MAS1: variants seen among roughly 807,000 people sequenced by gnomAD.
MAS1 encodes proto-oncogene Mas.
For missense variants in MAS1, 387 were observed against 409.7 expected, an observed-to-expected ratio of 0.94 and a Z score of 0.48; for synonymous variants, 163 against 164.2, an observed-to-expected ratio of 0.99 and a Z score of 0.05.
chr6:159,898,448 TC>T (rs202232709), intron 1 of MAS1, among the ~76,000 whole-genome samples: 2,884 of 151,956 alleles, frequency 0.019, 51 homozygotes, highest in Non-Finnish European at 0.032. Context: ...CCACTCACTG[TC>T]CTGTAAAGTT....
At chr6:159,894,042 T>C (rs890481718) in intron 1 of MAS1, among the ~76,000 whole-genome samples, 2 of 151,924 alleles carry the variant, frequency 1.3e-5, no homozygotes, top group Admixed American at 6.6e-5. Flanking sequence ...TGAGGCTCAG[T>C]TGGAGATACC....
At position 159,910,024 on chromosome 6, in the gene MAS1, A is replaced by T. The variant is rs936681802; in HGVS notation, c.*2091A>T. On this transcript the variant is annotated 3_prime_UTR_variant, in exon 3 of 3. Coordinates refer to ENST00000674077, the MANE Select transcript of MAS1 (RefSeq NM_002377.4). ...TCCCAAAGTGAACTGTAAGGTTAAA[A>T]CTATAACAAGAAGATTTAAGTAAAT... The T allele has an allele frequency of 9.9e-5, 15 of 152,238 alleles. No individual in the cohort carries two copies. Among genetic ancestry groups the T allele is most frequent in the Non-Finnish European group, 5.9e-5 (4 of 68,044 alleles). The allele number at this position is 152,238 out of a possible 1,614,324, so 9.4% of individuals were successfully genotyped here.
intron 2 of MAS1, among the ~76,000 whole-genome samples, chr6:159,906,062 A>G (rs927580479): frequency 6.6e-6 from 1 of 152,154 alleles, no homozygotes; most frequent in East Asian, 1.9e-4. Context: ...AGTTATTTTG[A>G]TCAACTTCTT....
rs1355041082 is a variant in MAS1 at position 159,917,424 on chromosome 6, G to C, written c.*9491G>C. Among the ~76,000 whole-genome samples the C allele has an allele frequency of 6.6e-6, 1 of 152,220 alleles. No homozygotes were observed. Among genetic ancestry groups the C allele is most frequent in the Non-Finnish European group, 1.5e-5 (1 of 68,040 alleles). ...ATTATTGGAACTTTTCAGAGATCAG[G>C]AATAAAATGTTCATGCATGAGAATT... On this transcript the variant is annotated 3_prime_UTR_variant, in exon 3 of 3. Transcript: ENST00000674077.
chr6:159,896,275 A>C (rs1374659278), intron 1 of MAS1, among the ~76,000 whole-genome samples: 1 of 152,224 alleles, frequency 6.6e-6, no homozygotes, highest in Non-Finnish European at 1.5e-5. Context: ...AGCCTGGTTG[A>C]CAGGGTGAGA....
At position 159,910,924 on chromosome 6, in the gene MAS1, C is replaced by T. The variant is rs906151364; in HGVS notation, c.*2991C>T. On this transcript the variant is annotated 3_prime_UTR_variant, in exon 3 of 3. Coordinates refer to ENST00000674077, the MANE Select transcript of MAS1 (RefSeq NM_002377.4). Reference sequence around the variant, plus strand: ...TCTGATGGGCTGTTTTCTACCTATGCCTTTTGTGGCATTTAATACCCACAG... The same window carrying T: ...TCTGATGGGCTGTTTTCTACCTATGTCTTTTGTGGCATTTAATACCCACAG... 6.6e-6 allele frequency: 1 copy of T among 152,144 alleles called. No individual in the cohort carries two copies. The highest frequency in any genetic ancestry group is 6.5e-5 in the Admixed American group (1 of 15,278). 9.4% of individuals were successfully genotyped at this position (152,144 alleles called of 1,614,324 possible).
In MAS1 at chr6:159,907,526, A is replaced by G. The variant is rs1489064460; in HGVS notation, c.571A>G (p.Ile191Val). The change falls in exon 3 of 3, where the codon ATA becomes GTA. Residue 191 changes from isoleucine to valine, a missense_variant. By Grantham distance (29) the Ile-to-Val change is conservative. Transcript: ENST00000674077. ...RNDCRAVIIF[I>V]AILSFLVFTP... ...TGACTGCCGAGCAGTCATCATCTTT[A>G]TAGCCATCCTGAGCTTCCTGGTCTT... 6.2e-7 allele frequency: 1 copy of G among 1,614,026 alleles called. No individual in the cohort carries two copies. Among genetic ancestry groups the G allele is most frequent in the Non-Finnish European group, 8.5e-7 (1 of 1,180,014 alleles).
At chr6:159,890,479 G>A (rs1432316944), upstream of MAS1, among the ~76,000 whole-genome samples, 1 of 152,116 alleles carries the variant, frequency 6.6e-6, no homozygotes, top group African/African-American at 2.4e-5. Context: ...AGCATCCTAC[G>A]GGTCTTATAT....
chr6:159,895,213 A>G (rs571435394), intron 1 of MAS1, among the ~76,000 whole-genome samples: 1 of 152,286 alleles, frequency 6.6e-6, no homozygotes, highest in South Asian at 2.1e-4. Context: ...GAGGGCTAGA[A>G]ATAGTGCCAA....
chr6:159,893,034 C>T (rs748603727), intron 1 of MAS1, among the ~76,000 whole-genome samples: 2 of 152,218 alleles, frequency 1.3e-5, no homozygotes, highest in Non-Finnish European at 2.9e-5. Flanking sequence ...GCAGAATAGG[C>T]TGTGGCCTCT....
Position 159,895,541 on chromosome 6 carries a change from C to T in MAS1, c.-243-3645C>T, listed in dbSNP as rs1782745880. The stretch of plus-strand genomic sequence containing the variant: ...CAAATTGCCATATTTACAAATGTTT[C>T]TTGCAGTTCAATAAAAGAAATGGAC... On this transcript the variant is annotated intron_variant, in intron 1 of 2. Coordinates refer to ENST00000674077, the MANE Select transcript of MAS1 (RefSeq NM_002377.4). Among the ~76,000 whole-genome samples the T allele has an allele frequency of 2.0e-5, 3 of 152,120 alleles. No homozygotes were observed. In the South Asian group the frequency reaches 6.2e-4, roughly 31 times the overall value.
At chr6:159,906,651 A>G (rs183865821) in intron 2 of MAS1, 41 of 256,600 alleles carry the variant, frequency 1.6e-4, no homozygotes, top group African/African-American at 8.3e-4. Context: ...GCACTAAGCC[A>G]CAAGCACACA....
intron 2 of MAS1, among the ~76,000 whole-genome samples, chr6:159,901,853 TA>T (rs35452379): frequency 0.26 from 36,320 of 137,672 alleles, 5,350 homozygotes; most frequent in East Asian, 0.75. Context: ...ACCCTATCTC[TA>T]AAAAAAAAAA....
chr6:159,902,976 TC>T (rs1332183741), intron 2 of MAS1, among the ~76,000 whole-genome samples: 3 of 152,006 alleles, frequency 2.0e-5, no homozygotes, highest in African/African-American at 7.3e-5. Context: ...AATGATCTTA[TC>T]CTCCACTCTC....
rs780355157 is a variant in MAS1, at chr6:159,914,444, G to A, written c.*6511G>A. Reference sequence around the variant, plus strand: ...TCTTCCTGTTCTGAGTGAGACTTGCGGTGAGCACTGGAACTTAAACATTGC... The same window carrying A: ...TCTTCCTGTTCTGAGTGAGACTTGCAGTGAGCACTGGAACTTAAACATTGC... On this transcript the variant is annotated 3_prime_UTR_variant, in exon 3 of 3. Coordinates refer to ENST00000674077, the MANE Select transcript of MAS1 (RefSeq NM_002377.4). 7.2e-5 allele frequency: 11 copies of A among 152,150 alleles called. No homozygotes were observed. Among genetic ancestry groups the A allele is most frequent in the African/African-American group, 1.4e-4 (6 of 41,494 alleles). The allele number at this position is 152,150 out of a possible 1,614,324, so 9.4% of individuals were successfully genotyped here.
chr6:159,901,427 A>G (rs529233314), intron 2 of MAS1, among the ~76,000 whole-genome samples: 1 of 152,250 alleles, frequency 6.6e-6, no homozygotes, highest in South Asian at 2.1e-4. Flanking sequence ...GCCTGGCAAC[A>G]CTACAAAAAA....
At position 159,907,723 on chromosome 6, in the gene MAS1, G is replaced by A. The variant is rs201516660; in HGVS notation, c.768G>A (p.Ser256=). The A allele has an allele frequency of 2.5e-5, 41 of 1,613,352 alleles. No individual in the cohort carries two copies. In the Admixed American group the frequency reaches 4.5e-4, roughly 18 times the overall value. The change falls in exon 3 of 3, where the codon TCG becomes TCA. Residue 256 remains serine (S), a synonymous_variant. Transcript: ENST00000674077. ...LLYLLYYEYW[S]TFGNLHHISL... is the part of the protein sequence containing the mutation. ...ACCTGCTGTACTATGAGTATTGGTC[G>A]ACCTTTGGGAACCTACACCACATTT... is the stretch of plus-strand genomic sequence containing the variant.
chr6:159,907,345 G>C lies in MAS1; in HGVS notation c.390G>C (p.Arg130Ser), dbSNP rs761306044. 1.9e-6 allele frequency: 3 copies of C among 1,614,142 alleles called. No individual in the cohort carries two copies. The highest frequency in any genetic ancestry group is 2.5e-6 in the Non-Finnish European group (3 of 1,180,030). Residue 130 changes from arginine to serine, a missense_variant, in exon 3 of 3, where the codon AGG becomes AGC. Transcript: ENST00000674077. ...LYLLTAISVE[R>S]CLSVLYPIWY... Reference sequence around the variant, plus strand: ...TGCTGACGGCCATTAGTGTGGAGAGGTGCCTGTCAGTCCTTTACCCCATCT... The same window carrying C: ...TGCTGACGGCCATTAGTGTGGAGAGCTGCCTGTCAGTCCTTTACCCCATCT...
chr6:159,907,743 A>G lies in MAS1; in HGVS notation c.788A>G (p.His263Arg), dbSNP rs769192343. The stretch of plus-strand genomic sequence containing the variant: ...TGGTCGACCTTTGGGAACCTACACC[A>G]CATTTCCCTGCTCTTCTCCACAATC... ...EYWSTFGNLH[H>R]ISLLFSTINS... Residue 263 changes from histidine (H) to arginine (R), a missense_variant, in exon 3 of 3, where the codon CAC (histidine) becomes CGC (arginine). Physicochemically the swap from His to Arg is conservative, Grantham distance 29. Transcript: ENST00000674077. 6.2e-7 allele frequency: 1 copy of G among 1,613,620 alleles called. No homozygotes were observed. The highest frequency in any genetic ancestry group is 8.5e-7 in the Non-Finnish European group (1 of 1,179,940).
Sources: gnomAD v4.1 joint callset for allele counts (sites outside exome capture counted in the v4.1 genomes callset) on GRCh38, gnomAD v4.1.1 for gene constraint, MANE v1.5 for transcripts, NCBI Gene and HGNC (gene_info 2026-07-23, HGNC 2026-07-21) for gene names.